AFF3: variants seen among roughly 807,000 people sequenced by gnomAD.
AFF3 encodes AF4/FMR2 family member 3.
Under a neutral mutation model 129.7 loss-of-function variants are expected in AFF3, and 32 were observed. That is an observed-to-expected ratio of 0.25 (90% confidence interval 0.19 to 0.33). The LOEUF (loss-of-function observed/expected upper bound fraction) is 0.33, where lower values mean the gene tolerates loss of function less well. Among genes scored for constraint, AFF3 ranks in the 10% least tolerant of loss-of-function variants. AFF3 has a pLI of 1.00. For missense variants in AFF3, 1,373 were observed against 1,592.0 expected (o/e 0.86, Z 2.34); for synonymous variants, 644 against 635.4 (o/e 1.01, Z -0.20).
chr2:100,059,254 CA>C (rs59005550), intron 4 of AFF3, among the ~76,000 whole-genome samples: 93 of 31,010 alleles, frequency 3.0e-3, no homozygotes, highest in South Asian at 0.012. Flanking sequence ...ACTCTGTCTC[CA>C]AAAAAAAAAA....
chr2:100,089,429 T>C (rs2105401242), intron 4 of AFF3, among the ~76,000 whole-genome samples: 1 of 62,532 alleles, frequency 1.6e-5, no homozygotes. Flanking sequence ...AAAGTCGAAT[T>C]ATTAATTAAA....
At chr2:100,069,472 T>C (rs1687996383) in intron 4 of AFF3, among the ~76,000 whole-genome samples, 1 of 152,212 alleles carries the variant, frequency 6.6e-6, no homozygotes, top group African/African-American at 2.4e-5. Context: ...CATGGAGATA[T>C]TTAAATAACA....
chr2:100,071,023 A>G (rs1454496417), intron 4 of AFF3, among the ~76,000 whole-genome samples: 1 of 152,230 alleles, frequency 6.6e-6, no homozygotes, highest in African/African-American at 2.4e-5. Context: ...AATATATAAA[A>G]GGACGTGACA....
chr2:99,572,210 T>C (rs1427601522), intron 18 of AFF3, among the ~76,000 whole-genome samples: 3 of 151,782 alleles, frequency 2.0e-5, no homozygotes, highest in Non-Finnish European at 4.4e-5. Context: ...TGCATCTTCA[T>C]TATGAGAGCT....
intron 13 of AFF3, among the ~76,000 whole-genome samples, chr2:99,625,944 T>C (rs1053794611): frequency 6.6e-6 from 1 of 152,302 alleles, no homozygotes; most frequent in African/African-American, 2.4e-5. Flanking sequence ...CCAGCTAATT[T>C]AGAATTCTCA....
intron 4 of AFF3, among the ~76,000 whole-genome samples, chr2:100,065,720 C>T (rs1478944175): frequency 1.3e-5 from 2 of 152,118 alleles, no homozygotes; most frequent in African/African-American, 4.8e-5. Flanking sequence ...TAGTTTTGTT[C>T]TTCCACTCAA....
intron 11 of AFF3, among the ~76,000 whole-genome samples, chr2:99,676,290 G>A (rs532520861): frequency 6.6e-6 from 1 of 152,156 alleles, no homozygotes; most frequent in African/African-American, 2.4e-5. Flanking sequence ...AGGGATGTCC[G>A]TCCGTAGCAG....
chr2:99,912,840 T>C (rs981754655), intron 7 of AFF3, among the ~76,000 whole-genome samples: 6 of 152,240 alleles, frequency 3.9e-5, no homozygotes, highest in Non-Finnish European at 8.8e-5. Context: ...TGCAGTACTT[T>C]GTTACACGGC....
chr2:99,786,297 G>A (rs916388097), intron 8 of AFF3, among the ~76,000 whole-genome samples: 1 of 152,156 alleles, frequency 6.6e-6, no homozygotes, highest in African/African-American at 2.4e-5. Flanking sequence ...TGACTCATGA[G>A]GCCAATGTGA....
intron 11 of AFF3, among the ~76,000 whole-genome samples, chr2:99,714,850 TA>T (rs1478947075): frequency 6.6e-6 from 1 of 152,204 alleles, no homozygotes; most frequent in Non-Finnish European, 1.5e-5. Flanking sequence ...ATGAGCTAAT[TA>T]AAAAATTTTA....
At chr2:99,978,536 A>C (rs1449680275) in intron 7 of AFF3, among the ~76,000 whole-genome samples, 1 of 152,220 alleles carries the variant, frequency 6.6e-6, no homozygotes, top group Non-Finnish European at 1.5e-5. Flanking sequence ...TAACGGGAAC[A>C]TCATTCTCCC....
chr2:99,984,195 C>T (rs1679651576), intron 7 of AFF3, among the ~76,000 whole-genome samples: 2 of 152,172 alleles, frequency 1.3e-5, no homozygotes, highest in South Asian at 4.1e-4. Flanking sequence ...GTGGCTAGAG[C>T]TGAACATAAT....
chr2:99,763,223 C>T (rs969096262), intron 8 of AFF3, among the ~76,000 whole-genome samples: 1 of 152,162 alleles, frequency 6.6e-6, no homozygotes, highest in Non-Finnish European at 1.5e-5. Context: ...ACACAGATTC[C>T]AGGGTCAGGC....
chr2:99,578,392 C>T lies in AFF3; in HGVS notation c.2853G>A (p.Lys951=), dbSNP rs1559498029. ...GGCCGTTGGAGCCTGGAGACCACGG[C>T]TTCGTCTGCGGCCGTGACTTGTGGA... ...IPLHKSRPQT[K]PWSPGSNGHR... Residue 951 remains lysine, a synonymous_variant, in exon 18 of 25, where the codon AAG becomes AAA. Transcript: ENST00000672756. 6 of 1,611,262 alleles carry T rather than the reference C, an allele frequency of 3.7e-6. No individual in the cohort carries two copies. The highest frequency in any genetic ancestry group is 4.2e-6 in the Non-Finnish European group (5 of 1,179,066).
At chr2:99,928,110 G>A (rs868633572) in intron 7 of AFF3, among the ~76,000 whole-genome samples, 1 of 152,300 alleles carries the variant, frequency 6.6e-6, no homozygotes, top group African/African-American at 2.4e-5. Context: ...ACGTGGAACT[G>A]TAAGTCCAAT....
chr2:99,966,417 G>A (rs1306210048), intron 7 of AFF3, among the ~76,000 whole-genome samples: 7 of 152,070 alleles, frequency 4.6e-5, no homozygotes, highest in Non-Finnish European at 7.4e-5. Flanking sequence ...GAGGCCGGGC[G>A]CGGTGGCTCA....
chr2:99,684,176 T>C (rs1185492889), intron 11 of AFF3, among the ~76,000 whole-genome samples: 1 of 152,226 alleles, frequency 6.6e-6, no homozygotes, highest in East Asian at 1.9e-4. Context: ...ATTTAGTCTC[T>C]CCTTCCCCAA....
intron 7 of AFF3, among the ~76,000 whole-genome samples, chr2:99,921,452 T>C (rs1448681160): frequency 6.6e-6 from 1 of 151,976 alleles, no homozygotes; most frequent in Non-Finnish European, 1.5e-5. Context: ...ATGGGGAAAA[T>C]TGTTGAAATC....
intron 20 of AFF3, among the ~76,000 whole-genome samples, chr2:99,563,884 A>G (rs912690434): frequency 9.4e-5 from 14 of 149,560 alleles, no homozygotes; most frequent in African/African-American, 3.4e-4. Flanking sequence ...TTTTCTCTGT[A>G]TTTTGCGTGA....
Sources: allele counts gnomAD v4.1 joint callset (sites outside exome capture counted in the v4.1 genomes callset), GRCh38; gene constraint gnomAD v4.1.1; transcripts MANE v1.5; gene names NCBI Gene and HGNC (gene_info 2026-07-23, HGNC 2026-07-21).